The following CATSPERB variants were observed in gnomAD, a reference collection of about 807,000 sequenced individuals.
CATSPERB encodes the protein cation channel sperm-associated auxiliary subunit beta.
Under a neutral mutation model 128.3 loss-of-function variants are expected in CATSPERB, and 93 were observed. The ratio of observed to expected loss-of-function variants is 0.72; its 90% CI spans 0.61 to 0.86. The LOEUF (loss-of-function observed/expected upper bound fraction) is 0.86, where lower values mean the gene tolerates loss of function less well. CATSPERB is among the 40% of genes least tolerant of loss of function. The pLI, the probability that CATSPERB is intolerant of heterozygous loss-of-function variation, is 0.00. For synonymous variants in CATSPERB, 381 were observed against 448.8 expected (o/e 0.85, Z 1.91); for missense variants, 1,153 against 1,329.5 (o/e 0.87, Z 2.06).
chr14:91,601,225 A>T (rs191927132), intron 22 of CATSPERB, among the ~76,000 whole-genome samples: 80 of 152,370 alleles, frequency 5.3e-4, no homozygotes, highest in Non-Finnish European at 5.4e-4. Context: ...ATCTTGAATT[A>T]CTAAAGAAAG....
chr14:91,636,130 A>T, intron 17 of CATSPERB: 2 of 259,580 alleles, frequency 7.7e-6, no homozygotes, highest in Non-Finnish European at 1.5e-5. Context: ...TGGGAAGCTG[A>T]GGTGGGTGAA....
At chr14:91,591,860 T>A in intron 23 of CATSPERB, 32 bp downstream of exon 23, 2 of 1,385,260 alleles carry the variant, frequency 1.4e-6, no homozygotes, top group Non-Finnish European at 2.1e-6. Flanking sequence ...TAAGAAAGTA[T>A]CCTGTATTCA....
intron 16 of CATSPERB, among the ~76,000 whole-genome samples, chr14:91,638,400 CTTTT>C (rs34399837): frequency 6.9e-6 from 1 of 145,614 alleles, no homozygotes; most frequent in African/African-American, 2.5e-5. Flanking sequence ...GCTCATGTTC[CTTTT>C]TTTTTTTTTT....
At chr14:91,610,425 C>CA (rs1893802645) in intron 21 of CATSPERB, 55 bp downstream of exon 21, 1 of 1,467,988 alleles carries the variant, frequency 6.8e-7, no homozygotes, top group Admixed American at 1.9e-5. Flanking sequence ...GGCAATCACA[C>CA]AAAAGTCACA....
At chr14:91,684,088 C>A in intron 10 of CATSPERB, 145 bp from the exon 11 acceptor site, 1 of 567,658 alleles carries the variant, frequency 1.8e-6, no homozygotes, top group East Asian at 3.0e-5. Context: ...AAATAAAAGA[C>A]TGTAGAATGA....
At chr14:91,604,825 C>G in intron 22 of CATSPERB, 1 of 1,539,028 alleles carries the variant, frequency 6.5e-7, no homozygotes, top group Non-Finnish European at 9.0e-7. Flanking sequence ...CCTTCTGAGT[C>G]ACACCATTGC....
chr14:91,612,666 G>A (rs190439304), intron 20 of CATSPERB, among the ~76,000 whole-genome samples: 29 of 152,176 alleles, frequency 1.9e-4, no homozygotes, highest in African/African-American at 5.8e-4. Flanking sequence ...ACTAATAAAC[G>A]TAGTGATATA....
chr14:91,712,525 C>T (rs1434048265), intron 5 of CATSPERB, among the ~76,000 whole-genome samples: 2 of 152,176 alleles, frequency 1.3e-5, no homozygotes, highest in Non-Finnish European at 1.5e-5. Flanking sequence ...GGAGCATCCT[C>T]TACCACTTGC....
chr14:91,655,022 T>G (rs776729529), intron 15 of CATSPERB, among the ~76,000 whole-genome samples: 2 of 151,664 alleles, frequency 1.3e-5, no homozygotes, highest in Non-Finnish European at 2.9e-5. Context: ...TAATACCTGG[T>G]AATACAGGTA....
At chr14:91,675,504 G>A (rs777661001) in intron 11 of CATSPERB, among the ~76,000 whole-genome samples, 7 of 152,200 alleles carry the variant, frequency 4.6e-5, no homozygotes, top group Non-Finnish European at 4.4e-5. Context: ...AGCTGCTTGC[G>A]ACATTGTCTG....
At chr14:91,666,556 C>A (rs1187290905) in intron 14 of CATSPERB, among the ~76,000 whole-genome samples, 1 of 152,150 alleles carries the variant, frequency 6.6e-6, no homozygotes, top group Non-Finnish European at 1.5e-5. Context: ...TGAGACAACC[C>A]CACAACCAGT....
chr14:91,691,889 T>C (rs1895477242), intron 9 of CATSPERB, among the ~76,000 whole-genome samples: 1 of 152,096 alleles, frequency 6.6e-6, no homozygotes, highest in Admixed American at 6.6e-5. Context: ...TTAAGAAGTG[T>C]GCAGGTGGGC....
At chr14:91,660,466 G>A (rs186430096) in intron 14 of CATSPERB, among the ~76,000 whole-genome samples, 99 of 152,270 alleles carry the variant, frequency 6.5e-4, no homozygotes, top group Non-Finnish European at 2.9e-5. Context: ...GACCTTTGTA[G>A]ATCCTCAAAT....
intron 17 of CATSPERB, among the ~76,000 whole-genome samples, chr14:91,629,261 A>C (rs1014677542): frequency 6.6e-6 from 1 of 152,210 alleles, no homozygotes; most frequent in African/African-American, 2.4e-5. Flanking sequence ...TAAGTACAAG[A>C]AGCCTCTGAA....
intron 14 of CATSPERB, among the ~76,000 whole-genome samples, chr14:91,664,242 T>C (rs978264563): frequency 2.9e-4 from 44 of 149,718 alleles, no homozygotes; most frequent in African/African-American, 1.0e-3. Context: ...TAATATGCAT[T>C]TAAGCTTCTT....
chr14:91,587,408 C>A, intron 25 of CATSPERB, 132 bp from the exon 26 acceptor site: 1 of 472,262 alleles, frequency 2.1e-6, no homozygotes, highest in South Asian at 5.4e-5. Context: ...CTTCCTAAGG[C>A]TCTCGGACAT....
At chr14:91,619,958 A>G (rs1342386197) in intron 19 of CATSPERB, among the ~76,000 whole-genome samples, 1 of 149,030 alleles carries the variant, frequency 6.7e-6, no homozygotes, top group African/African-American at 2.5e-5. Context: ...CTGGTCTCAG[A>G]CTCCTGGGCT....
chr14:91,713,934 T>C (rs1895885979), intron 5 of CATSPERB, among the ~76,000 whole-genome samples: 2 of 152,128 alleles, frequency 1.3e-5, no homozygotes, highest in South Asian at 4.1e-4. Flanking sequence ...TTCAGGAATA[T>C]ATAAATAAGA....
At chr14:91,589,756 C>T (rs533160256) in intron 23 of CATSPERB, 87 bp from the exon 24 acceptor site, 1 of 1,298,984 alleles carries the variant, frequency 7.7e-7, no homozygotes, top group East Asian at 2.5e-5. Flanking sequence ...AGATATATTG[C>T]CAATAGTTTG....
Sources: gnomAD v4.1 joint callset for allele counts (sites outside exome capture counted in the v4.1 genomes callset) on GRCh38, gnomAD v4.1.1 for gene constraint, MANE v1.5 for transcripts, NCBI Gene and HGNC (gene_info 2026-07-23, HGNC 2026-07-21) for gene names.